Variants in CSMD1 observed in about 807,000 individuals in gnomAD.
The protein encoded by CSMD1 is CUB and Sushi multiple domains 1, also known as CUB and sushi domain-containing protein 1.
CSMD1 carries 213 observed loss-of-function variants against 417.5 expected under a neutral mutation model. That is an observed-to-expected ratio of 0.51 (90% CI 0.46 to 0.57). The LOEUF (loss-of-function observed/expected upper bound fraction) is 0.57. Among genes scored for constraint, CSMD1 ranks in the 20% least tolerant of loss-of-function variants. CSMD1 has a pLI of 0.00. For missense variants in CSMD1, 6,923 were observed against 4,529.7 expected, an observed-to-expected ratio of 1.53 and a Z score of -15.17; for synonymous variants, 2,862 against 1,736.8, an observed-to-expected ratio of 1.65 and a Z score of -16.11.
chr8:3,700,002 T>G (rs1800765130), intron 7 of CSMD1, among the ~76,000 whole-genome samples: 1 of 152,136 alleles, frequency 6.6e-6, no homozygotes, highest in African/African-American at 2.4e-5. Context: ...GAGCATCTGT[T>G]GTGTTCCTGA....
intron 5 of CSMD1, among the ~76,000 whole-genome samples, chr8:3,877,279 G>A (rs781099955): frequency 7.2e-5 from 11 of 152,102 alleles, no homozygotes; most frequent in South Asian, 6.2e-4. Flanking sequence ...CCCTTGATGC[G>A]TGGTGAAAGG....
chr8:3,150,696 T>C (rs1037702638), intron 40 of CSMD1, among the ~76,000 whole-genome samples: 12 of 152,048 alleles, frequency 7.9e-5, no homozygotes, highest in Non-Finnish European at 1.6e-4. Flanking sequence ...GTGAGTGCTG[T>C]AGAGAAAATC....
chr8:4,319,419 C>T (rs4875330), intron 3 of CSMD1, among the ~76,000 whole-genome samples: 56,947 of 151,880 alleles, frequency 0.37, 11,870 homozygotes, highest in East Asian at 0.65. Flanking sequence ...GAGCCCTAAC[C>T]AATATACCTA....
At position 2,963,316 on chromosome 8, in the gene CSMD1, A is replaced by T; in HGVS notation, c.9360T>A (p.Ser3120Arg). 1 of 1,613,958 alleles carries T rather than the reference A, an allele frequency of 6.2e-7. No individual in the cohort carries two copies. Among genetic ancestry groups the T allele is most frequent in the Non-Finnish European group, 8.5e-7 (1 of 1,179,874 alleles). ...GCTGGTAACCGTCCATGCAGCTGTA[A>T]CTTATGCTGGAGCCCCAGCGGAAAT... ...GSDFRWGSSI[S>R]YSCMDGYQLS... The change falls in exon 60 of 70, where the codon AGT becomes AGA. Residue 3120 changes from serine to arginine, a missense_variant. Physicochemically the swap from Ser to Arg is moderately radical, Grantham distance 110. Coordinates refer to ENST00000635120, the MANE Select transcript of CSMD1 (RefSeq NM_033225.6).
At chr8:4,506,331 A>C (rs1802524728) in intron 2 of CSMD1, among the ~76,000 whole-genome samples, 1 of 152,104 alleles carries the variant, frequency 6.6e-6, no homozygotes, top group Admixed American at 6.5e-5. Flanking sequence ...ACTGAAACCC[A>C]CGGTGGGTTA....
chr8:2,983,435 C>G (rs1049515706), intron 54 of CSMD1, among the ~76,000 whole-genome samples: 2 of 152,194 alleles, frequency 1.3e-5, no homozygotes, highest in African/African-American at 4.8e-5. Context: ...ATCCGCCTGC[C>G]TCAGCCTCCC....
At chr8:3,362,123 G>A (rs567843411) in intron 20 of CSMD1, among the ~76,000 whole-genome samples, 77 of 152,010 alleles carry the variant, frequency 5.1e-4, no homozygotes, top group Middle Eastern at 3.4e-3. Flanking sequence ...TGCGTTACAC[G>A]GTCAATCTTA....
At chr8:3,087,041 T>G in intron 49 of CSMD1, 56 bp downstream of exon 49, 1 of 1,438,656 alleles carries the variant, frequency 7.0e-7, no homozygotes. Flanking sequence ...CAGAGAGTGA[T>G]TAAAATGAGA....
chr8:4,663,922 A>G (rs1240586712), intron 1 of CSMD1, among the ~76,000 whole-genome samples: 2 of 152,194 alleles, frequency 1.3e-5, no homozygotes, highest in African/African-American at 2.4e-5. Flanking sequence ...TCATCTGACG[A>G]TGGCTCCACT....
intron 13 of CSMD1, among the ~76,000 whole-genome samples, 172 bp from the exon 14 acceptor site, chr8:3,408,397 T>A (rs992063043): frequency 4.6e-5 from 7 of 152,174 alleles, no homozygotes; most frequent in Admixed American, 4.6e-4. Flanking sequence ...CTTTCCTAAT[T>A]TGTAAGTCGA....
chr8:4,038,037 G>A (rs923369423), intron 3 of CSMD1, among the ~76,000 whole-genome samples: 1 of 152,048 alleles, frequency 6.6e-6, no homozygotes, highest in East Asian at 1.9e-4. Flanking sequence ...GTGTAAATAA[G>A]TATCAGAGGC....
chr8:3,870,958 T>C (rs1315779361), intron 5 of CSMD1, among the ~76,000 whole-genome samples: 2 of 151,890 alleles, frequency 1.3e-5, no homozygotes, highest in African/African-American at 4.8e-5. Flanking sequence ...AAATTTTTGT[T>C]TTATATTCTT....
intron 5 of CSMD1, among the ~76,000 whole-genome samples, chr8:3,810,572 G>C (rs1022456082): frequency 3.3e-5 from 5 of 152,152 alleles, no homozygotes; most frequent in Admixed American, 6.5e-5. Context: ...GTCTACAAGG[G>C]TTAGAAGGAG....
intron 54 of CSMD1, among the ~76,000 whole-genome samples, chr8:2,990,447 T>A (rs1311413082): frequency 6.6e-6 from 1 of 152,194 alleles, no homozygotes. Context: ...GGGTATCCCC[T>A]AAACCCATCC....
chr8:4,955,840 G>A (rs929846333), intron 1 of CSMD1, among the ~76,000 whole-genome samples: 5 of 145,942 alleles, frequency 3.4e-5, no homozygotes, highest in African/African-American at 1.2e-4. Context: ...CGTAGAAATT[G>A]GCAAACACTG....
chr8:4,526,412 C>G (rs1413484605), intron 2 of CSMD1, among the ~76,000 whole-genome samples: 1 of 152,092 alleles, frequency 6.6e-6, no homozygotes, highest in African/African-American at 2.4e-5. Context: ...TTATGTATGC[C>G]CAAGGGCAAA....
intron 50 of CSMD1, among the ~76,000 whole-genome samples, chr8:3,031,288 G>A (rs1810324148): frequency 2.2e-5 from 3 of 138,616 alleles, no homozygotes; most frequent in African/African-American, 8.0e-5. Flanking sequence ...CACAGGAAGG[G>A]GAACATCACA....
intron 5 of CSMD1, among the ~76,000 whole-genome samples, chr8:3,903,171 T>G (rs1290123645): frequency 6.6e-6 from 1 of 152,120 alleles, no homozygotes; most frequent in Non-Finnish European, 1.5e-5. Flanking sequence ...ATTTAGCGAT[T>G]GAGTATTAAG....
At position 3,343,819 on chromosome 8, in the gene CSMD1, T is replaced by C. The variant is rs905417595; in HGVS notation, c.3475-369A>G. Reference sequence around the variant, plus strand: ...TTATAAAAGTAAAAAGGATTTATAATATTTTAGTCTTGAATATCTCCTCTG... The same window carrying C: ...TTATAAAAGTAAAAAGGATTTATAACATTTTAGTCTTGAATATCTCCTCTG... On this transcript the variant is annotated intron_variant, in intron 22 of 69. Coordinates refer to ENST00000635120, the MANE Select transcript of CSMD1 (RefSeq NM_033225.6). Among the ~76,000 whole-genome samples, 9 of 152,194 alleles carry C rather than the reference T, an allele frequency of 5.9e-5. 1 individual carries two copies. The highest frequency in any genetic ancestry group is 4.6e-4 in the Admixed American group (7 of 15,284).
Sources: allele counts gnomAD v4.1 joint callset (sites outside exome capture counted in the v4.1 genomes callset), GRCh38; gene constraint gnomAD v4.1.1; transcripts MANE v1.5; gene names NCBI Gene and HGNC (gene_info 2026-07-23, HGNC 2026-07-21).